The following MYRIP variants were observed in gnomAD, a reference collection of about 807,000 sequenced individuals.
The protein encoded by MYRIP is myosin VIIA and Rab interacting protein.
In MYRIP, 49 loss-of-function variants were observed where a neutral mutation model predicts 98.0. The observed-to-expected ratio is 0.50, with a 90% confidence interval of 0.40 to 0.63. The LOEUF (loss-of-function observed/expected upper bound fraction) is 0.63. Ranked by LOEUF, MYRIP falls within the 30% of genes least tolerant of loss-of-function variation. The probability of loss-of-function intolerance (pLI) is 0.00; values close to 1 mark genes in which losing one functional copy is unlikely to be tolerated. For missense variants in MYRIP, 1,004 were observed against 1,058.2 expected, an observed-to-expected ratio of 0.95 and a Z score of 0.71; for synonymous variants, 404 against 409.5, an observed-to-expected ratio of 0.99 and a Z score of 0.16.
At chr3:39,966,096 G>A (rs984942719) in intron 2 of MYRIP, among the ~76,000 whole-genome samples, 5 of 152,082 alleles carry the variant, frequency 3.3e-5, no homozygotes, top group African/African-American at 1.2e-4. Context: ...CCAAGATCTC[G>A]AGGTAAGTAC....
chr3:40,035,600 A>G (rs1309028612), intron 2 of MYRIP, among the ~76,000 whole-genome samples: 1 of 152,040 alleles, frequency 6.6e-6, no homozygotes, highest in African/African-American at 2.4e-5. Context: ...GTATATTTAC[A>G]ATTATTTTTA....
At chr3:39,912,553 C>T (rs4464382) in intron 2 of MYRIP, among the ~76,000 whole-genome samples, 67,084 of 151,976 alleles carry the variant, frequency 0.44, 15,059 homozygotes, top group East Asian at 0.54. Flanking sequence ...AGGAATAAGA[C>T]GTATAGTTTT....
At chr3:39,841,144 A>C (rs966266902) in intron 1 of MYRIP, among the ~76,000 whole-genome samples, 7 of 152,044 alleles carry the variant, frequency 4.6e-5, no homozygotes, top group African/African-American at 1.7e-4. Context: ...TATTTCTTGG[A>C]GGCTTTTTTC....
At chr3:39,878,061 C>T (rs1008156800) in intron 1 of MYRIP, among the ~76,000 whole-genome samples, 16 of 152,364 alleles carry the variant, frequency 1.1e-4, no homozygotes, top group East Asian at 3.9e-4. Flanking sequence ...AGGCGCCCCT[C>T]CCCCAGCCTC....
At chr3:40,021,133 T>G (rs1946984264) in intron 2 of MYRIP, among the ~76,000 whole-genome samples, 1 of 152,116 alleles carries the variant, frequency 6.6e-6, no homozygotes, top group Non-Finnish European at 1.5e-5. Context: ...TTTGCTCTGG[T>G]AAGGGAGATG....
chr3:39,964,730 G>T (rs1330788055), intron 2 of MYRIP, among the ~76,000 whole-genome samples: 2 of 152,244 alleles, frequency 1.3e-5, no homozygotes, highest in Non-Finnish European at 2.9e-5. Flanking sequence ...CTTTGAAGAA[G>T]AACTTGGAAT....
At chr3:39,867,122 C>T (rs937666523) in intron 1 of MYRIP, among the ~76,000 whole-genome samples, 19 of 152,000 alleles carry the variant, frequency 1.3e-4, no homozygotes, top group African/African-American at 4.6e-4. Context: ...ACTGGATATC[C>T]GCCTGCCAAA....
intron 11 of MYRIP, among the ~76,000 whole-genome samples, chr3:40,222,246 T>A (rs1378426850): frequency 6.6e-6 from 1 of 152,216 alleles, no homozygotes; most frequent in African/African-American, 2.4e-5. Context: ...TAATTACATG[T>A]AAGTTAAGGG....
At chr3:40,071,882 C>G (rs9810558) in intron 3 of MYRIP, among the ~76,000 whole-genome samples, 3,292 of 152,232 alleles carry the variant, frequency 0.022, 117 homozygotes, top group African/African-American at 0.073. Flanking sequence ...CAGGGCACAG[C>G]ACCTGCAGGG....
At chr3:40,064,756 G>T (rs1948091857) in intron 3 of MYRIP, among the ~76,000 whole-genome samples, 1 of 152,144 alleles carries the variant, frequency 6.6e-6, no homozygotes, top group Non-Finnish European at 1.5e-5. Flanking sequence ...TGTTGGTCTT[G>T]CTTATAAAAA....
At position 40,189,829 on chromosome 3, in the gene MYRIP, T is replaced by C. The variant is rs765865884; in HGVS notation, c.1031T>C (p.Leu344Pro). The part of the protein sequence containing the change: ...KSVDRLDETN[L>P]APVLQSPDGN... ...TCTCTATCCTCTCCATCCACAGACC[T>C]GGCCCCAGTTTTGCAGAGCCCCGAC... Residue 344 changes from leucine to proline, a missense_variant, in exon 10 of 17, where the codon CTG becomes CCG. By Grantham distance (98) the Leu-to-Pro change is moderately conservative (BLOSUM62 -3). Transcript: ENST00000302541. The C allele has an allele frequency of 1.9e-6, 3 of 1,608,776 alleles. No homozygotes were observed. The highest frequency in any genetic ancestry group is 3.4e-5 in the Admixed American group (2 of 59,550).
chr3:40,204,136 ATAT>A (rs1559451796), intron 10 of MYRIP, among the ~76,000 whole-genome samples: 2 of 24,754 alleles, frequency 8.1e-5, no homozygotes, highest in Non-Finnish European at 2.2e-4. Flanking sequence ...ATTATATAAT[ATAT>A]TATATAATAT....
At chr3:39,941,544 AGACT>A (rs750083162) in intron 2 of MYRIP, among the ~76,000 whole-genome samples, 8 of 151,702 alleles carry the variant, frequency 5.3e-5, no homozygotes, top group African/African-American at 7.3e-5. Flanking sequence ...TTTTTACAGT[AGACT>A]GACTTTTTTA....
intron 1 of MYRIP, among the ~76,000 whole-genome samples, chr3:39,886,937 A>G (rs1445928234): frequency 2.6e-5 from 4 of 152,106 alleles, no homozygotes; most frequent in Admixed American, 6.5e-5. Flanking sequence ...ACATAGTTGG[A>G]AGTAAAGCTC....
intron 1 of MYRIP, among the ~76,000 whole-genome samples, chr3:39,867,996 TTC>T (rs1045364702): frequency 1.3e-5 from 2 of 152,174 alleles, no homozygotes; most frequent in Non-Finnish European, 2.9e-5. Context: ...AGGGGAATCC[TTC>T]TCTCTCACTG....
intron 2 of MYRIP, among the ~76,000 whole-genome samples, chr3:40,033,708 T>A (rs1016702080): frequency 6.6e-6 from 1 of 152,178 alleles, no homozygotes; most frequent in Non-Finnish European, 1.5e-5. Flanking sequence ...TTCACAGAAT[T>A]GGAAGAAAAC....
intron 2 of MYRIP, among the ~76,000 whole-genome samples, chr3:40,017,446 G>A (rs968956286): frequency 3.9e-5 from 6 of 152,162 alleles, no homozygotes; most frequent in Admixed American, 3.3e-4. Flanking sequence ...TCAGGATGAG[G>A]CAGCCTGTTA....
intron 1 of MYRIP, among the ~76,000 whole-genome samples, chr3:39,850,226 A>G (rs1017486104): frequency 3.9e-5 from 6 of 152,226 alleles, no homozygotes; most frequent in African/African-American, 1.4e-4. Flanking sequence ...GTTTCTACCA[A>G]GCATTCTCTG....
chr3:40,147,761 A>G (rs1370591092), intron 3 of MYRIP, among the ~76,000 whole-genome samples: 1 of 152,252 alleles, frequency 6.6e-6, no homozygotes, highest in Non-Finnish European at 1.5e-5. Context: ...TTGACAGAAC[A>G]AAGACGTGGC....
Sources: allele counts gnomAD v4.1 joint callset (sites outside exome capture counted in the v4.1 genomes callset), GRCh38; gene constraint gnomAD v4.1.1; transcripts MANE v1.5; gene names NCBI Gene and HGNC (gene_info 2026-07-23, HGNC 2026-07-21).